MLLT10: variants seen among roughly 807,000 people sequenced by gnomAD.
MLLT10 encodes MLLT10 histone lysine methyltransferase DOT1L cofactor.
MLLT10 carries 30 observed loss-of-function variants against 129.1 expected under a neutral mutation model. The ratio of observed to expected loss-of-function variants is 0.23; its 90% CI spans 0.17 to 0.32. The LOEUF (loss-of-function observed/expected upper bound fraction) is 0.32, where lower values mean the gene tolerates loss of function less well. Ranked by LOEUF, MLLT10 falls within the 10% of genes least tolerant of loss-of-function variation. The pLI, the probability that MLLT10 is intolerant of heterozygous loss-of-function variation, is 1.00. For synonymous variants in MLLT10, 490 were observed against 446.4 expected (o/e 1.10, Z -1.23); for missense variants, 1,119 against 1,268.3 (o/e 0.88, Z 1.79).
chr10:21,602,689 C>G (rs989920758), intron 5 of MLLT10, among the ~76,000 whole-genome samples: 4 of 150,752 alleles, frequency 2.7e-5, no homozygotes, highest in African/African-American at 9.7e-5. Flanking sequence ...TTATGGTTTT[C>G]TTCACATAAA....
At chr10:21,564,452 G>GT (rs1564419808) in intron 3 of MLLT10, 1 of 150,936 alleles carries the variant, frequency 6.6e-6, no homozygotes, top group Non-Finnish European at 1.5e-5. Flanking sequence ...TGCTTATTTG[G>GT]TATCTTTTTT....
intron 3 of MLLT10, among the ~76,000 whole-genome samples, chr10:21,576,873 C>T (rs2040820704): frequency 6.6e-6 from 1 of 152,088 alleles, no homozygotes; most frequent in Non-Finnish European, 1.5e-5. Context: ...TCAGGTGAAT[C>T]GCCCGCCTCG....
intron 9 of MLLT10, among the ~76,000 whole-genome samples, chr10:21,659,025 C>G (rs1055158270): frequency 6.6e-6 from 1 of 152,048 alleles, no homozygotes; most frequent in Middle Eastern, 3.4e-3. Context: ...TTATTAAGCT[C>G]TCCCCACCAC....
chr10:21,732,494 G>A (rs2058052170), intron 17 of MLLT10, among the ~76,000 whole-genome samples: 1 of 152,184 alleles, frequency 6.6e-6, no homozygotes, highest in Admixed American at 6.5e-5. Flanking sequence ...TTGGTAGAGG[G>A]TATTGGTGCG....
chr10:21,690,984 C>T (rs1167770821), intron 13 of MLLT10, among the ~76,000 whole-genome samples: 1 of 152,076 alleles, frequency 6.6e-6, no homozygotes, highest in Non-Finnish European at 1.5e-5. Flanking sequence ...GTCATTTAAT[C>T]ATCTATGATT....
chr10:21,640,608 G>A (rs1204885585), intron 8 of MLLT10, among the ~76,000 whole-genome samples: 1 of 152,002 alleles, frequency 6.6e-6, no homozygotes, highest in East Asian at 1.9e-4. Context: ...CAGGAGAGGA[G>A]CCCTGAGCTT....
chr10:21,692,258 A>C (rs1039548933), intron 13 of MLLT10, among the ~76,000 whole-genome samples: 1 of 152,014 alleles, frequency 6.6e-6, no homozygotes, highest in Non-Finnish European at 1.5e-5. Flanking sequence ...CTAGACATAC[A>C]GAGATATTTA....
Position 21,742,393 on chromosome 10 carries a change from A to G in MLLT10, c.*410A>G. The G allele has an allele frequency of 4.3e-6, 1 of 230,538 alleles. No individual in the cohort carries two copies. The highest frequency in any genetic ancestry group is 8.6e-6 in the Non-Finnish European group (1 of 116,906). The allele number at this position is 230,538 out of a possible 1,614,324, so 14.3% of individuals were successfully genotyped here. A position where few individuals can be genotyped will look rare whatever the true frequency, so the allele number is the denominator to read the frequency against. On this transcript the variant is annotated 3_prime_UTR_variant, in exon 23 of 23. Coordinates refer to ENST00000307729, the MANE Select transcript of MLLT10 (RefSeq NM_001195626.3). ...ACTTGATTTTATTGTACAAGTTGAA[A>G]TATGCTCTTTTGTTTGGGTTACAGT...
At chr10:21,621,597 C>A (rs2131230037) in intron 8 of MLLT10, among the ~76,000 whole-genome samples, 1 of 152,074 alleles carries the variant, frequency 6.6e-6, no homozygotes, top group Admixed American at 6.5e-5. Context: ...TTGTGTTGAA[C>A]CGACCTCCGC....
chr10:21,705,513 G>T (rs749753286), intron 13 of MLLT10, among the ~76,000 whole-genome samples: 2 of 152,126 alleles, frequency 1.3e-5, no homozygotes, highest in East Asian at 3.9e-4. Context: ...AGGTAGCCGG[G>T]GCAGCATTGG....
At chr10:21,613,122 A>G (rs1353340419) in intron 6 of MLLT10, among the ~76,000 whole-genome samples, 26 of 134,060 alleles carry the variant, frequency 1.9e-4, no homozygotes, top group Non-Finnish European at 3.9e-4. Flanking sequence ...TAAACCTGGG[A>G]GGTGGAGTTT....
At chr10:21,595,834 A>G (rs572023112) in intron 5 of MLLT10, among the ~76,000 whole-genome samples, 2 of 152,210 alleles carry the variant, frequency 1.3e-5, no homozygotes, top group South Asian at 2.1e-4. Context: ...GAACAGTCCT[A>G]TATTAGAATG....
intron 3 of MLLT10, among the ~76,000 whole-genome samples, chr10:21,570,738 A>G (rs1028640143): frequency 1.3e-5 from 2 of 152,112 alleles, no homozygotes; most frequent in African/African-American, 4.8e-5. Context: ...TGTTTCTTCT[A>G]GCCTTCTGAT....
intron 4 of MLLT10, among the ~76,000 whole-genome samples, chr10:21,592,245 C>T (rs1246995860): frequency 2.6e-5 from 4 of 152,084 alleles, no homozygotes; most frequent in Non-Finnish European, 5.9e-5. Context: ...ATGTTTATCA[C>T]TCTTTATATT....
At chr10:21,666,206 C>T (rs1479306050) in intron 9 of MLLT10, among the ~76,000 whole-genome samples, 1 of 151,992 alleles carries the variant, frequency 6.6e-6, no homozygotes, top group African/African-American at 2.4e-5. Context: ...CAGAGTTTAC[C>T]TTCAAGCAAT....
intron 12 of MLLT10, 44 bp from the exon 13 acceptor site, chr10:21,682,181 T>G (rs775831258): frequency 2.6e-6 from 4 of 1,567,690 alleles, no homozygotes; most frequent in Non-Finnish European, 3.5e-6. Context: ...TTTGTGTGTT[T>G]GAGAATGATC....
At chr10:21,591,313 C>T (rs1287919250) in intron 4 of MLLT10, among the ~76,000 whole-genome samples, 1 of 152,152 alleles carries the variant, frequency 6.6e-6, no homozygotes, top group East Asian at 1.9e-4. Flanking sequence ...CAGGCATGAA[C>T]CACTGTCCCC....
chr10:21,670,342 C>A, intron 9 of MLLT10, 107 bp from the exon 10 acceptor site: 1 of 1,066,580 alleles, frequency 9.4e-7, no homozygotes, highest in Non-Finnish European at 1.3e-6. Flanking sequence ...AGAACAGAAA[C>A]TTTGTGTTTA....
At chr10:21,734,410 C>T (rs1169816766) in intron 20 of MLLT10, among the ~76,000 whole-genome samples, 1 of 152,092 alleles carries the variant, frequency 6.6e-6, no homozygotes, top group Non-Finnish European at 1.5e-5. Context: ...TCTTTGTATA[C>T]TGTATCATAA....
Sources: allele counts gnomAD v4.1 joint callset (sites outside exome capture counted in the v4.1 genomes callset), GRCh38; gene constraint gnomAD v4.1.1; transcripts MANE v1.5; gene names NCBI Gene and HGNC (gene_info 2026-07-23, HGNC 2026-07-21).